The following MAMLD1 variants were observed in gnomAD, a reference collection of about 807,000 sequenced individuals.
The protein encoded by MAMLD1 is mastermind like domain containing 1.
Under a neutral mutation model 45.0 loss-of-function variants are expected in MAMLD1, and 14 were observed. The observed-to-expected ratio is 0.31, with a 90% CI of 0.21 to 0.49. MAMLD1 has a LOEUF of 0.49. Ranked by LOEUF, MAMLD1 falls within the 20% of genes least tolerant of loss-of-function variation. The pLI is 0.99. For synonymous variants in MAMLD1, 254 were observed against 247.8 expected (o/e 1.02, Z -0.24); for missense variants, 543 against 603.6 (o/e 0.90, Z 1.05).
At chrX:150,416,927 G>A (rs1314583880) in intron 1 of MAMLD1, among the ~76,000 whole-genome samples, 3 of 112,101 alleles carry the variant, frequency 2.7e-5, no homozygotes, top group African/African-American at 9.7e-5. Flanking sequence ...CATCTAAAGA[G>A]TGGAATGTAT....
intron 2 of MAMLD1, among the ~76,000 whole-genome samples, chrX:150,449,222 A>G (rs2035586883): frequency 1.8e-5 from 2 of 110,185 alleles, no homozygotes; most frequent in African/African-American, 6.8e-5. Flanking sequence ...GGCCATCCAG[A>G]AGGTGGGGTG....
intron 1 of MAMLD1, among the ~76,000 whole-genome samples, chrX:150,367,193 G>A (rs1265725132): frequency 9.4e-6 from 1 of 106,098 alleles, no homozygotes; most frequent in Non-Finnish European, 1.9e-5. Flanking sequence ...CGCTGACAGT[G>A]ACACAGATGT....
intron 1 of MAMLD1, among the ~76,000 whole-genome samples, chrX:150,445,155 G>A (rs1317239087): frequency 8.9e-6 from 1 of 112,119 alleles, no homozygotes; most frequent in Non-Finnish European, 1.9e-5. Context: ...TATCATACTT[G>A]TAGGCCCAGT....
chrX:150,512,787 C>T lies in MAMLD1; in HGVS notation c.*828C>T. On this transcript the variant is annotated 3_prime_UTR_variant, in exon 8 of 8. Coordinates refer to ENST00000370401, the MANE Select transcript of MAMLD1 (RefSeq NM_005491.5). ...GCTGCTGCTGCTTCTGCCGTTGCTG[C>T]CAGCCAGTTCCCAGGTCCGTTCGAC... 2.6e-6 allele frequency: 3 copies of T among 1,155,798 alleles called. No homozygotes were observed. In the Middle Eastern group the frequency reaches 7.0e-4, roughly 268 times the overall value.
intron 5 of MAMLD1, among the ~76,000 whole-genome samples, chrX:150,492,444 G>T (rs2037217036): frequency 8.9e-6 from 1 of 112,541 alleles, no homozygotes; most frequent in Admixed American, 9.4e-5. Context: ...GTATAGATCT[G>T]TTTTCACCAG....
chrX:150,447,826 A>G (rs1557404869), intron 2 of MAMLD1, among the ~76,000 whole-genome samples: 1 of 111,351 alleles, frequency 9.0e-6, no homozygotes, highest in Admixed American at 9.5e-5. Context: ...GACACCCTGA[A>G]CCCTAGTCCC....
At chrX:150,362,618 C>T (rs782607942), upstream of MAMLD1, among the ~76,000 whole-genome samples, 78 of 111,822 alleles carry the variant, frequency 7.0e-4, no homozygotes, top group African/African-American at 2.3e-3. Context: ...TCACTGATGA[C>T]CGCTGGCTTT....
chrX:150,505,233 A>G (rs1244679038), intron 6 of MAMLD1: 1 of 182,891 alleles, frequency 5.5e-6, no homozygotes, highest in Non-Finnish European at 8.5e-6. Flanking sequence ...CTAGAAGGGC[A>G]AGGAAAGACC....
At chrX:150,398,091 G>A (rs2033498094) in intron 1 of MAMLD1, among the ~76,000 whole-genome samples, 1 of 108,602 alleles carries the variant, frequency 9.2e-6, no homozygotes, top group African/African-American at 3.4e-5. Context: ...TCCACCCACA[G>A]TGACCCTTCT....
rs3066915 is a variant in MAMLD1 at position 150,377,819 on chromosome X, TCACACACACACACACACA to T, written c.-64+14310_-64+14327del. Among the ~76,000 whole-genome samples, 609 of 91,841 alleles carry T rather than the reference TCACACACACACACACACA, an allele frequency of 6.6e-3. 2 individuals are homozygous for T. The highest frequency in any genetic ancestry group is 0.023 in the African/African-American group (588 of 25,090). The allele number at this position is 91,841 out of a possible 115,157, so 79.8% of individuals were successfully genotyped here. On this transcript the variant is annotated intron_variant, in intron 1 of 7. Transcript: ENST00000370401. The stretch of plus-strand genomic sequence containing the variant: ...ATTCTATGTTATATCTACCACCCCC[TCACACACACACACACACA>T]CACACACACACACACACACAATTTT...
At chrX:150,418,194 C>A (rs1400268722) in intron 1 of MAMLD1, among the ~76,000 whole-genome samples, 1 of 111,767 alleles carries the variant, frequency 8.9e-6, no homozygotes, top group East Asian at 2.8e-4. Context: ...GGAATTTATC[C>A]ATTTCTTCTA....
chrX:150,365,769 G>A (rs2031389965), intron 1 of MAMLD1, among the ~76,000 whole-genome samples: 1 of 112,670 alleles, frequency 8.9e-6, no homozygotes, highest in Non-Finnish European at 1.9e-5. Context: ...CCACCTCCGG[G>A]GTTCGTGTAG....
Position 150,469,914 on chromosome X carries a change from C to A in MAMLD1, c.341C>A (p.Thr114Lys). 2 of 1,211,883 alleles carry A rather than the reference C, an allele frequency of 1.7e-6. No individual in the cohort carries two copies. The highest frequency in any genetic ancestry group is 1.1e-6 in the Non-Finnish European group (1 of 895,572). The change falls in exon 4 of 8, where the codon ACA becomes AAA. Residue 114 changes from threonine (T) to lysine (K), a missense_variant. Transcript: ENST00000370401. ...GCAGAACTGCAGGTCCCTCCATTGA[C>A]AATAAATCCTAGCCCTGCGGCTATG... ...ACAELQVPPL[T>K]INPSPAAMGV...
chrX:150,500,353 T>C (rs891687905), intron 5 of MAMLD1, among the ~76,000 whole-genome samples: 7 of 110,523 alleles, frequency 6.3e-5, no homozygotes, highest in Non-Finnish European at 1.3e-4. Context: ...TGACTGGGGG[T>C]ACGTGACATT....
chrX:150,504,020 C>T (rs2037649227), intron 6 of MAMLD1: 1 of 751,802 alleles, frequency 1.3e-6, no homozygotes, highest in Admixed American at 8.7e-5. Context: ...CAAACCCCGC[C>T]CAGGACTCCC....
intron 1 of MAMLD1, among the ~76,000 whole-genome samples, chrX:150,397,119 G>A (rs2033449048): frequency 8.9e-6 from 1 of 112,104 alleles, no homozygotes; most frequent in Non-Finnish European, 1.9e-5. Flanking sequence ...TAGTTGTAAG[G>A]AGAGAGACAT....
intron 2 of MAMLD1, among the ~76,000 whole-genome samples, chrX:150,461,776 T>C (rs2036047015): frequency 8.9e-6 from 1 of 112,029 alleles, no homozygotes; most frequent in Non-Finnish European, 1.9e-5. Context: ...CCTGCTCCCA[T>C]TGACCTGGAC....
chrX:150,497,076 A>G (rs1047155850), intron 5 of MAMLD1, among the ~76,000 whole-genome samples: 6 of 111,637 alleles, frequency 5.4e-5, no homozygotes, highest in Non-Finnish European at 9.4e-5. Flanking sequence ...CATATTTTGA[A>G]ATGTTAAAGT....
At chrX:150,504,773 GAGC>G (rs1362617510) in intron 6 of MAMLD1, 1 of 750,112 alleles carries the variant, frequency 1.3e-6, no homozygotes, top group Non-Finnish European at 1.6e-6. Context: ...TGAAGTGGCA[GAGC>G]AGATTTGTGG....
Sources: allele counts gnomAD v4.1 joint callset (sites outside exome capture counted in the v4.1 genomes callset), GRCh38; gene constraint gnomAD v4.1.1; transcripts MANE v1.5; gene names NCBI Gene and HGNC (gene_info 2026-07-23, HGNC 2026-07-21).